Variants in B4GALNT2 observed in about 807,000 individuals in gnomAD.
The protein encoded by B4GALNT2 is N-acetylneuraminylgalactosylglucosyl-glucoside beta-1,4-N- acetylgalactosaminyltransferase 2.
A neutral mutation model predicts 51.1 loss-of-function variants in B4GALNT2; 42 were observed. The ratio of observed to expected loss-of-function variants is 0.82; its 90% CI spans 0.64 to 1.06. The LOEUF is 1.06. Ranked by LOEUF, B4GALNT2 falls within the 50% of genes least tolerant of loss-of-function variation. The pLI is 0.00. For synonymous variants in B4GALNT2, 253 were observed against 251.7 expected, an observed-to-expected ratio of 1.01 and a Z score of -0.05; for missense variants, 602 against 633.6, an observed-to-expected ratio of 0.95 and a Z score of 0.54.
chr17:49,141,665 G>A (rs1301575345), intron 2 of B4GALNT2, among the ~76,000 whole-genome samples: 1 of 152,160 alleles, frequency 6.6e-6, no homozygotes, highest in Non-Finnish European at 1.5e-5. Context: ...AAACTTTCGA[G>A]AGCATGTAGT....
At chr17:49,147,847 A>G (rs1184568939) in intron 3 of B4GALNT2, among the ~76,000 whole-genome samples, 2 of 148,060 alleles carry the variant, frequency 1.4e-5, no homozygotes, top group Non-Finnish European at 3.0e-5. Flanking sequence ...TGTTATATAT[A>G]TATGTGTGTG....
At chr17:49,124,522 C>A in the B4GALNT2 span, among the ~76,000 whole-genome samples, 3 of 152,158 alleles carry the variant, frequency 2.0e-5, no homozygotes, top group Non-Finnish European at 4.4e-5. Context: ...TGATAACATA[C>A]ACTAAGATAT....
At chr17:49,126,962 CCAA>C in the B4GALNT2 span, among the ~76,000 whole-genome samples, 4 of 152,192 alleles carry the variant, frequency 2.6e-5, no homozygotes, top group Non-Finnish European at 4.4e-5. Context: ...CCTTGGCCTC[CCAA>C]AGTGCTGGGA....
At chr17:49,149,702 T>C (rs2042731122) in intron 3 of B4GALNT2, among the ~76,000 whole-genome samples, 1 of 152,192 alleles carries the variant, frequency 6.6e-6, no homozygotes. Flanking sequence ...AATGCTGAAA[T>C]GAACATTCTT....
intron 3 of B4GALNT2, among the ~76,000 whole-genome samples, chr17:49,151,926 T>G (rs527340802): frequency 6.6e-6 from 1 of 152,318 alleles, no homozygotes; most frequent in Non-Finnish European, 1.5e-5. Context: ...ACTTCTTCCT[T>G]TGGATATTAA....
chr17:49,159,143 G>C lies in B4GALNT2; in HGVS notation c.605G>C (p.Arg202Pro). 6.2e-7 allele frequency: 1 copy of C among 1,614,168 alleles called. No individual in the cohort carries two copies. The highest frequency in any genetic ancestry group is 8.5e-7 in the Non-Finnish European group (1 of 1,180,034). ...CAGCTGATCATTTCTACCAGTGACCGGAAGCTGTTGAAGTTCATTCTTCAG... is the reference window on the plus strand; with the variant it reads ...CAGCTGATCATTTCTACCAGTGACCCGAAGCTGTTGAAGTTCATTCTTCAG... The part of the protein sequence containing the change: ...QKQLIISTSD[R>P]KLLKFILQHV... Residue 202 changes from arginine (R) to proline (P), a missense_variant, in exon 6 of 11, where the codon CGG becomes CCG. Arg to Pro is a moderately radical substitution (Grantham distance 103). Coordinates refer to ENST00000393354, the MANE Select transcript of B4GALNT2 (RefSeq NM_001159387.2).
At chr17:49,132,037 A>G (rs1299842704), upstream of B4GALNT2, among the ~76,000 whole-genome samples, 1 of 151,936 alleles carries the variant, frequency 6.6e-6, no homozygotes, top group Middle Eastern at 3.2e-3. Flanking sequence ...AGCTACTCGG[A>G]TGGCTGAGGT....
At position 49,139,405 on chromosome 17, in the gene B4GALNT2, T is replaced by TA. The variant is rs369426231; in HGVS notation, c.15-1842_15-1841insA. Among the ~76,000 whole-genome samples, 266 of 149,854 alleles carry TA rather than the reference T, an allele frequency of 1.8e-3. 3 individuals are homozygous for TA. The highest frequency in any genetic ancestry group is 5.9e-3 in the African/African-American group (239 of 40,616). ...AGGCCTGGGCCACCATGCCCAGCTATTTTTTTTTTCAGTAGAGACATTCAC... is the reference window on the plus strand; with the variant it reads ...AGGCCTGGGCCACCATGCCCAGCTATATTTTTTTTTCAGTAGAGACATTCAC... On this transcript the variant is annotated intron_variant, in intron 1 of 10. Transcript: ENST00000393354.
At chr17:49,156,397 T>C (rs1393684365) in intron 4 of B4GALNT2, among the ~76,000 whole-genome samples, 169 bp from the exon 5 acceptor site, 1 of 152,190 alleles carries the variant, frequency 6.6e-6, no homozygotes, top group Non-Finnish European at 1.5e-5. Flanking sequence ...GAAACACCAC[T>C]TAACAGAGCC....
chr17:49,141,435 A>G lies in B4GALNT2; in HGVS notation c.203A>G (p.Tyr68Cys), dbSNP rs755961253. ...PEERLRNLFS[Y>C]DGIWLFPKNQ... ...GAACGTCTCAGGAACCTCTTTTCCT[A>G]CGATGGAATCTGGTGAGAGACTGCG... Residue 68 changes from tyrosine to cysteine, a missense_variant, in exon 2 of 11, where the codon TAC (tyrosine) becomes TGC (cysteine). Physicochemically the swap from Tyr to Cys is radical, Grantham distance 194 (BLOSUM62 -2). Coordinates refer to ENST00000393354, the MANE Select transcript of B4GALNT2 (RefSeq NM_001159387.2). 6.2e-7 allele frequency: 1 copy of G among 1,614,130 alleles called. No individual in the cohort carries two copies. The highest frequency in any genetic ancestry group is 8.5e-7 in the Non-Finnish European group (1 of 1,180,004).
rs1382303624 is a variant in B4GALNT2, at chr17:49,152,826, TG to T, written c.381del (p.Leu128TrpfsTer17). ...GAAGGGCTGCCCCGCCCACTGCCCC[TG>T]CTGGTCCAGCCCAACCTCCCCTTTG... ...RREGLPRPLP[L>X]LVQPNLPFGY... On this transcript the variant is annotated frameshift_variant, in exon 4 of 11. Coordinates refer to ENST00000393354, the MANE Select transcript of B4GALNT2 (RefSeq NM_001159387.2). LOFTEE classifies it high-confidence loss of function. 6.8e-6 allele frequency: 11 copies of T among 1,608,574 alleles called. No homozygotes were observed. In the African/African-American group the frequency reaches 1.5e-4, roughly 22 times the overall value.
chr17:49,150,076 G>A (rs1392477231), intron 3 of B4GALNT2, among the ~76,000 whole-genome samples: 2 of 152,120 alleles, frequency 1.3e-5, no homozygotes, highest in East Asian at 1.9e-4. Context: ...GGTCGGGGGG[G>A]GTCAGCCCCC....
Position 49,164,151 on chromosome 17 carries a change from T to A in B4GALNT2, c.830T>A (p.Met277Lys), listed in dbSNP as rs768452817. The A allele has an allele frequency of 6.2e-7, 1 of 1,614,124 alleles. No individual in the cohort carries two copies. Among genetic ancestry groups the A allele is most frequent in the Non-Finnish European group, 8.5e-7 (1 of 1,179,972 alleles). ...TKTFLRPHKL[M>K]IMLRSIREYY... ...ACTTTCCTCCGCCCCCACAAGCTCA[T>A]GATCATGCTCCGGAGTATTCGAGAG... is the stretch of plus-strand genomic sequence containing the variant. The change falls in exon 8 of 11, where the codon ATG becomes AAG. Residue 277 changes from methionine (M) to lysine (K), a missense_variant. By Grantham distance (95) the Met-to-Lys change is moderately conservative (BLOSUM62 -1). Transcript: ENST00000393354.
At chr17:49,150,785 C>T (rs1253444028) in intron 3 of B4GALNT2, among the ~76,000 whole-genome samples, 2 of 149,230 alleles carry the variant, frequency 1.3e-5, no homozygotes, top group African/African-American at 2.5e-5. Flanking sequence ...ACAAACACTG[C>T]GGAAGGCCGC....
intron 5 of B4GALNT2, 110 bp downstream of exon 5, chr17:49,156,713 A>C (rs1233193863): frequency 1.6e-6 from 2 of 1,279,186 alleles, no homozygotes. Context: ...AAGGTCAGAC[A>C]TGAGCCCAAG....
upstream of B4GALNT2, among the ~76,000 whole-genome samples, chr17:49,131,554 G>A: frequency 6.6e-6 from 1 of 150,742 alleles, no homozygotes; most frequent in East Asian, 1.9e-4. Flanking sequence ...CTAGACTGGA[G>A]TGCAGTGCCA....
intron 3 of B4GALNT2, chr17:49,148,500 C>A: frequency 3.1e-6 from 1 of 318,354 alleles, no homozygotes; most frequent in South Asian, 2.8e-5. Context: ...AGGCAGAGAC[C>A]TGCCAGTCTC....
At position 49,171,236 on chromosome 17, in the gene B4GALNT2, G is replaced by A. The variant is rs188620467; in HGVS notation, c.*1508G>A. ...CTAATTCTCACAGGAGTCAGGATCC[G>A]CACCTGCAGACTATACAAAGACAAA... On this transcript the variant is annotated 3_prime_UTR_variant, in exon 11 of 11. Coordinates refer to ENST00000393354, the MANE Select transcript of B4GALNT2 (RefSeq NM_001159387.2). The A allele has an allele frequency of 7.9e-5, 18 of 226,906 alleles. No homozygotes were observed. Among genetic ancestry groups the A allele is most frequent in the East Asian group, 1.6e-4 (1 of 6,304 alleles). 14.1% of individuals were successfully genotyped at this position (226,906 alleles called of 1,614,324 possible). A position where few individuals can be genotyped will look rare whatever the true frequency, so the allele number is the denominator to read the frequency against.
chr17:49,155,717 TTTTTTG>T (rs1010122257), intron 4 of B4GALNT2, among the ~76,000 whole-genome samples: 9 of 150,334 alleles, frequency 6.0e-5, no homozygotes, highest in Admixed American at 2.7e-4. Flanking sequence ...TCAACAACTT[TTTTTTG>T]TTTTTGTTTT....
Sources: gnomAD v4.1 joint callset for allele counts (sites outside exome capture counted in the v4.1 genomes callset) on GRCh38, gnomAD v4.1.1 for gene constraint, MANE v1.5 for transcripts, NCBI Gene and HGNC (gene_info 2026-07-23, HGNC 2026-07-21) for gene names.